The following CEACAM21 variants were observed in gnomAD, a reference collection of about 807,000 sequenced individuals.
The protein encoded by CEACAM21 is CEA cell adhesion molecule 21, also known as cell adhesion molecule CEACAM21.
CEACAM21 carries 38 observed loss-of-function variants against 33.2 expected under a neutral mutation model. The ratio of observed to expected loss-of-function variants is 1.14; its 90% CI spans 0.88 to 1.50. The LOEUF (loss-of-function observed/expected upper bound fraction) is 1.50. Ranked by LOEUF, CEACAM21 falls within the 40% of genes most tolerant of loss-of-function variation. The pLI is 0.00. For synonymous variants in CEACAM21, 156 were observed against 143.0 expected, an observed-to-expected ratio of 1.09 and a Z score of -0.65; for missense variants, 385 against 364.6, an observed-to-expected ratio of 1.06 and a Z score of -0.46.
intron 1 of CEACAM21, among the ~76,000 whole-genome samples, chr19:41,562,521 T>C (rs1204793597): frequency 2.3e-4 from 35 of 152,102 alleles, no homozygotes. Flanking sequence ...TGGCAGCATG[T>C]ATACAGCAAA....
chr19:41,565,786 T>A (rs74918962), intron 2 of CEACAM21, among the ~76,000 whole-genome samples: 3,639 of 152,086 alleles, frequency 0.024, 157 homozygotes, highest in African/African-American at 0.083. Context: ...GAACAACCAG[T>A]GGCAAAATAG....
intron 1 of CEACAM21, chr19:41,550,114 AT>A (rs1370684171): frequency 1.3e-5 from 2 of 152,248 alleles, no homozygotes; most frequent in African/African-American, 2.4e-5. Flanking sequence ...ACTAAACAAA[AT>A]AATTTCATTT....
In CEACAM21 at chr19:41,577,259, C is replaced by T. The variant is rs782499004; in HGVS notation, c.124C>T (p.Pro42Ser). 1.9e-6 allele frequency: 3 copies of T among 1,614,098 alleles called. No individual in the cohort carries two copies. Among genetic ancestry groups the T allele is most frequent in the South Asian group, 2.2e-5 (2 of 91,076 alleles). The part of the protein sequence containing the change: ...TTAWLFIASA[P>S]FEVAEGENVH... ...TGCCTGGCTCTTTATTGCATCAGCG[C>T]CCTTTGAAGTTGCTGAAGGGGAGAA... Residue 42 changes from proline (P) to serine (S), a missense_variant, in exon 2 of 7, where the codon CCC becomes TCC. By Grantham distance (74) the Pro-to-Ser change is moderately conservative (BLOSUM62 -1). Coordinates refer to ENST00000401445, the MANE Select transcript of CEACAM21 (RefSeq NM_001098506.4).
intron 4 of CEACAM21, 103 bp from the exon 5 acceptor site, chr19:41,585,340 C>A (rs1391371824): frequency 1.6e-5 from 20 of 1,238,294 alleles, no homozygotes; most frequent in Non-Finnish European, 2.4e-5. Context: ...AAGGAGGTCT[C>A]CATACCCCTC....
At chr19:41,584,546 C>T (rs545812661) in intron 4 of CEACAM21, 103 bp downstream of exon 4, 4 of 1,018,264 alleles carry the variant, frequency 3.9e-6, no homozygotes, top group Middle Eastern at 4.4e-4. Flanking sequence ...TCCCCAGCCT[C>T]CCGACTCCCC....
chr19:41,554,143 G>T (rs527489920), intron 1 of CEACAM21, among the ~76,000 whole-genome samples: 5 of 152,148 alleles, frequency 3.3e-5, no homozygotes, highest in African/African-American at 1.2e-4. Context: ...TTCACTTCAT[G>T]CAGTTAATTC....
chr19:41,554,131 A>G (rs781981871), intron 1 of CEACAM21, among the ~76,000 whole-genome samples: 3 of 152,090 alleles, frequency 2.0e-5, no homozygotes, highest in Admixed American at 1.3e-4. Flanking sequence ...GCCTCCTATT[A>G]GTTCACTTCA....
chr19:41,555,480 C>A (rs1188298663), intron 1 of CEACAM21: 1 of 151,896 alleles, frequency 6.6e-6, no homozygotes, highest in Non-Finnish European at 1.5e-5. Flanking sequence ...AACTGGACCT[C>A]TGATCTCACA....
rs569509948 is a variant in CEACAM21, at chr19:41,579,831, C to G, written c.700+203C>G. ...CAGGTATTTGACCTTGGGCAAGACA[C>G]TCAACCTCCTGGGCCTCAGTTTCCT... On this transcript the variant is annotated intron_variant, in intron 3 of 6. Coordinates refer to ENST00000401445, the MANE Select transcript of CEACAM21 (RefSeq NM_001098506.4). Among the ~76,000 whole-genome samples, 51 of 152,304 alleles carry G rather than the reference C, an allele frequency of 3.3e-4. No individual in the cohort carries two copies. The South Asian group carries it at 0.011, about 32-fold the overall frequency.
rs1226281340 is a variant in CEACAM21, at chr19:41,577,386, T to C, written c.251T>C (p.Ile84Thr). 1.9e-6 allele frequency: 3 copies of C among 1,611,864 alleles called. No individual in the cohort carries two copies. The highest frequency in any genetic ancestry group is 2.5e-6 in the Non-Finnish European group (3 of 1,179,820). Reference protein sequence around the residue: ...EPNQLIAAYVIDTHVRTPGPA... With the variant: ...EPNQLIAAYVTDTHVRTPGPA... ...AACCAGCTAATCGCAGCATATGTAA[T>C]AGACACTCACGTTAGGACTCCAGGG... is the stretch of plus-strand genomic sequence containing the variant. The change falls in exon 2 of 7, where the codon ATA becomes ACA. Residue 84 changes from isoleucine (I) to threonine (T), a missense_variant. Transcript: ENST00000401445.
chr19:41,573,996 C>A (rs2042772312), upstream of CEACAM21, among the ~76,000 whole-genome samples: 1 of 152,150 alleles, frequency 6.6e-6, no homozygotes, highest in African/African-American at 2.4e-5. Flanking sequence ...CACAAGAATG[C>A]ACATAGAGAT....
At chr19:41,569,273 G>T (rs1600208023) in intron 2 of CEACAM21, among the ~76,000 whole-genome samples, 1 of 151,818 alleles carries the variant, frequency 6.6e-6, no homozygotes, top group East Asian at 1.9e-4. Flanking sequence ...GTATACAGTG[G>T]CACAATCTCA....
chr19:41,577,528 T>G lies in CEACAM21; in HGVS notation c.393T>G (p.Ile131Met), dbSNP rs2043040032. The G allele has an allele frequency of 1.2e-6, 2 of 1,614,010 alleles. No individual in the cohort carries two copies. The highest frequency in any genetic ancestry group is 1.1e-5 in the South Asian group (1 of 91,084). Residue 131 changes from isoleucine (I) to methionine (M), a missense_variant, in exon 2 of 7, where the codon ATT becomes ATG. By Grantham distance (10) the Ile-to-Met change is conservative (BLOSUM62 1). Coordinates refer to ENST00000401445, the MANE Select transcript of CEACAM21 (RefSeq NM_001098506.4). Reference protein sequence around the residue: ...NLQVTYRNSQIEQASHHLRVY... With the variant: ...NLQVTYRNSQMEQASHHLRVY... ...AAGTCACATACAGAAATTCTCAGAT[T>G]GAACAGGCATCTCACCATCTCCGTG...
At chr19:41,559,767 T>C (rs772240631) in intron 1 of CEACAM21, among the ~76,000 whole-genome samples, 5 of 152,108 alleles carry the variant, frequency 3.3e-5, no homozygotes, top group Non-Finnish European at 4.4e-5. Flanking sequence ...AAACATTAGA[T>C]AAAATGGATG....
rs560664710 is a variant in CEACAM21 at position 41,585,666 on chromosome 19, G to A, written c.850+171G>A. ...ACTGGCCGGGTCAGCCCTAACCTCCGGGCTCTGGGTCATGGGTCACTTCCT... is the reference window on the plus strand; with the variant it reads ...ACTGGCCGGGTCAGCCCTAACCTCCAGGCTCTGGGTCATGGGTCACTTCCT... On this transcript the variant is annotated intron_variant, in intron 5 of 6. Coordinates refer to ENST00000401445, the MANE Select transcript of CEACAM21 (RefSeq NM_001098506.4). 6.6e-5 allele frequency among the ~76,000 whole-genome samples: 10 copies of A among 152,034 alleles called. 1 individual carries two copies. In the South Asian group the frequency reaches 1.2e-3, roughly 19 times the overall value.
chr19:41,568,383 C>T (rs1555788733), intron 2 of CEACAM21, among the ~76,000 whole-genome samples: 1 of 152,038 alleles, frequency 6.6e-6, no homozygotes, highest in Non-Finnish European at 1.5e-5. Flanking sequence ...GATTTTCCCC[C>T]TATATTTTCT....
chr19:41,579,350 CAG>C lies in CEACAM21; in HGVS notation c.425_426del, dbSNP rs1266009906. Reference sequence around the variant, plus strand: ...CACTTTCTGTTGGTCACTCTATCCACAGAGTCAGTGGCTCAGCCCTCCATCCA... The same window carrying C: ...CACTTTCTGTTGGTCACTCTATCCACAGTCAGTGGCTCAGCCCTCCATCCA... On this transcript the variant is annotated splice_acceptor_variant, in intron 2 of 6. Coordinates refer to ENST00000401445, the MANE Select transcript of CEACAM21 (RefSeq NM_001098506.4). LOFTEE classifies it high-confidence loss of function. The C allele has an allele frequency of 8.7e-6, 14 of 1,613,876 alleles. No individual in the cohort carries two copies. Among genetic ancestry groups the C allele is most frequent in the Non-Finnish European group, 1.2e-5 (14 of 1,179,894 alleles).
chr19:41,564,331 A>AT (rs1258972634), intron 1 of CEACAM21, among the ~76,000 whole-genome samples: 36 of 148,426 alleles, frequency 2.4e-4, no homozygotes, highest in East Asian at 6.1e-4. Flanking sequence ...TGAGTTATTT[A>AT]TTATTTATTT....
chr19:41,577,087 A>T, intron 1 of CEACAM21, 113 bp from the exon 2 acceptor site: 1 of 1,206,822 alleles, frequency 8.3e-7, no homozygotes, highest in Middle Eastern at 2.8e-4. Flanking sequence ...TAGGACACAC[A>T]CACACACACA....
Sources: allele counts gnomAD v4.1 joint callset (sites outside exome capture counted in the v4.1 genomes callset), GRCh38; gene constraint gnomAD v4.1.1; transcripts MANE v1.5; gene names NCBI Gene and HGNC (gene_info 2026-07-23, HGNC 2026-07-21).